Variants in CAPN12 observed in about 807,000 individuals in gnomAD.
The protein encoded by CAPN12 is calpain-12.
A neutral mutation model predicts 95.0 loss-of-function variants in CAPN12; 107 were observed. The observed-to-expected ratio is 1.13, with a 90% CI of 0.96 to 1.32. The LOEUF (loss-of-function observed/expected upper bound fraction) is 1.32. Among genes scored for constraint, CAPN12 ranks in the 40% most tolerant of loss-of-function variants. The pLI, the probability that CAPN12 is intolerant of heterozygous loss-of-function variation, is 0.00. For synonymous variants in CAPN12, 505 were observed against 415.5 expected (o/e 1.22, Z -2.62); for missense variants, 1,136 against 997.8 (o/e 1.14, Z -1.87).
chr19:38,736,762 C>T, intron 10 of CAPN12, 199 bp from the exon 11 acceptor site: 1 of 656,178 alleles, frequency 1.5e-6, no homozygotes, highest in Non-Finnish European at 2.6e-6. Flanking sequence ...ATCTGCGCTC[C>T]CAGCGCCTTC....
chr19:38,739,529 C>A (rs1599925447), intron 5 of CAPN12: 1 of 138,856 alleles, frequency 7.2e-6, no homozygotes, highest in Non-Finnish European at 1.6e-5. Flanking sequence ...AAGAGAGAAA[C>A]AGACACAAAA....
At position 38,741,734 on chromosome 19, in the gene CAPN12, G is replaced by A. The variant is rs762101297; in HGVS notation, c.560+43C>T. ...GTCCCCCTGTGGCTTGATGCCTGCT[G>A]TGGGGACTTAGGGCTGCAGCTGGTT... is the stretch of plus-strand genomic sequence containing the variant. On this transcript the variant is annotated intron_variant, in intron 4 of 20. Transcript: ENST00000328867. 30 of 1,608,426 alleles carry A rather than the reference G, an allele frequency of 1.9e-5. No homozygotes were observed. The East Asian group carries it at 6.3e-4, about 34-fold the overall frequency.
chr19:38,735,287 CCT>C, intron 14 of CAPN12, 81 bp downstream of exon 14: 1 of 1,357,006 alleles, frequency 7.4e-7, no homozygotes, highest in Non-Finnish European at 1.0e-6. Context: ...AAATGAGACA[CCT>C]GAGATGCTGG....
Position 38,736,290 on chromosome 19 carries a change from C to T in CAPN12, c.1403G>A (p.Ser468Asn). The change falls in exon 12 of 21, where the codon AGC becomes AAC. Residue 468 changes from serine (S) to asparagine (N), a missense_variant. Physicochemically the swap from Ser to Asn is conservative, Grantham distance 46 (BLOSUM62 1). Coordinates refer to ENST00000328867, the MANE Select transcript of CAPN12 (RefSeq NM_144691.4). ...CAGCAGCCGGGGCAGGAGCGCATGG[C>T]TGCGCGGGGAATCCCAGAGGCCCAG... is the stretch of plus-strand genomic sequence containing the variant. ...ELLGLWDSPR[S>N]HALLPRLLRA... 1 of 1,442,914 alleles carries T rather than the reference C, an allele frequency of 6.9e-7. No homozygotes were observed. Among genetic ancestry groups the T allele is most frequent in the Non-Finnish European group, 9.0e-7 (1 of 1,105,214 alleles). 89.4% of individuals were successfully genotyped at this position (1,442,914 alleles called of 1,614,324 possible).
chr19:38,736,496 AGCCCC>A, intron 11 of CAPN12, 51 bp downstream of exon 11: 10 of 1,571,794 alleles, frequency 6.4e-6, no homozygotes, highest in Non-Finnish European at 6.9e-6. Flanking sequence ...AGGTTGACCA[AGCCCC>A]AGGGCAGGTT....
In CAPN12 at chr19:38,743,068, TC is replaced by T; in HGVS notation, c.271del (p.Asp91ThrfsTer2). On this transcript the variant is annotated frameshift_variant, in exon 2 of 21. Transcript: ENST00000328867. LOFTEE classifies it high-confidence loss of function. ...CTGACACACGTCTGTGCGGCTCATG[TC>T]TTCACAGATGAACTTCGGCTCAGCA... ...FCAEPKFICE[D>X]MSRTDVCQGS... 1 of 1,613,968 alleles carries T rather than the reference TC, an allele frequency of 6.2e-7. No individual in the cohort carries two copies. Among genetic ancestry groups the T allele is most frequent in the Non-Finnish European group, 8.5e-7 (1 of 1,179,952 alleles).
rs529809082 is a variant in CAPN12 at position 38,732,343 on chromosome 19, CTTTTTT to C, written c.1958-1126_1958-1121del. ...CTTTGACTTGGGCTTTTTCTTTTTT[CTTTTTT>C]GAGACGGAGTCTCGCTCTGTTGCCC... On this transcript the variant is annotated intron_variant, in intron 18 of 20. Transcript: ENST00000328867. Among the ~76,000 whole-genome samples, 130 of 152,156 alleles carry C rather than the reference CTTTTTT, an allele frequency of 8.5e-4. 2 individuals are homozygous for C. The South Asian group carries it at 0.021, about 25-fold the overall frequency.
rs56163209 is a variant in CAPN12, at chr19:38,743,541, A to T, written c.237+388T>A. ...CAGCCCCTCCTCCCTCAGACCCAGG[A>T]GTCCAGGTCCAGCCCCTCCTCCCTC... On this transcript the variant is annotated intron_variant, in intron 1 of 20. Transcript: ENST00000328867. 1.0e-3 allele frequency among the ~76,000 whole-genome samples: 123 copies of T among 118,410 alleles called. 3 individuals are homozygous for T. The highest frequency in any genetic ancestry group is 3.7e-3 in the African/African-American group (116 of 31,276). The allele number at this position is 118,410 out of a possible 152,430, so 77.7% of individuals were successfully genotyped here.
rs149152357 is a variant in CAPN12, at chr19:38,730,963, A to G, written c.2133+2T>C. 2.6e-6 allele frequency: 4 copies of G among 1,550,612 alleles called. No individual in the cohort carries two copies. The East Asian group carries it at 9.8e-5, about 38-fold the overall frequency. ...CCACCCTGTCCCTCCCACCTGGCTCACCTGTCTGTGGGTCAGGCAGATGAC... is the reference window on the plus strand; with the variant it reads ...CCACCCTGTCCCTCCCACCTGGCTCGCCTGTCTGTGGGTCAGGCAGATGAC... On this transcript the variant is annotated splice_donor_variant, in intron 20 of 20. Coordinates refer to ENST00000328867, the MANE Select transcript of CAPN12 (RefSeq NM_144691.4). LOFTEE classifies it high-confidence loss of function.
At chr19:38,739,710 CTTT>C (rs58154433) in intron 5 of CAPN12, 70 of 151,534 alleles carry the variant, frequency 4.6e-4, no homozygotes, top group East Asian at 1.1e-3. Context: ...GAAAGAGGCA[CTTT>C]TTTTTTTTTT....
At chr19:38,737,839 G>T (rs539128393) in intron 8 of CAPN12, among the ~76,000 whole-genome samples, 1 of 152,086 alleles carries the variant, frequency 6.6e-6, no homozygotes, top group African/African-American at 2.4e-5. Context: ...CCCACAAATC[G>T]CCAAGATTCA....
chr19:38,730,669 T>G lies in CAPN12; in HGVS notation c.*183A>C. 1.5e-6 allele frequency: 1 copy of G among 680,122 alleles called. No homozygotes were observed. Among genetic ancestry groups the G allele is most frequent in the Non-Finnish European group, 2.5e-6 (1 of 395,664 alleles). 42.1% of individuals were successfully genotyped at this position (680,122 alleles called of 1,614,324 possible). A position where few individuals can be genotyped will look rare whatever the true frequency, so the allele number is the denominator to read the frequency against. On this transcript the variant is annotated 3_prime_UTR_variant, in exon 21 of 21. Transcript: ENST00000328867. ...TCTGCTCGAGAAGGGCTGTCGCTGT[T>G]CTTGTTTCTGAGTGAGGAGTACGCA... is the stretch of plus-strand genomic sequence containing the variant.
rs1292618770 is a variant in CAPN12 at position 38,736,579 on chromosome 19, G to A, written c.1363-16C>T. ...CCTCTGGAATCTGAAAGAAGCAAGA[G>A]CAAGGGGCGTCGGGGCAGGGGAGAG... On this transcript the variant is annotated splice_polypyrimidine_tract_variant and intron_variant, in intron 10 of 20. Coordinates refer to ENST00000328867, the MANE Select transcript of CAPN12 (RefSeq NM_144691.4). 3 of 1,604,582 alleles carry A rather than the reference G, an allele frequency of 1.9e-6. No homozygotes were observed. In the Admixed American group the frequency reaches 5.1e-5, roughly 27 times the overall value.
In CAPN12 at chr19:38,731,224, C is replaced by CT; in HGVS notation, c.1958-2dup. 1 of 1,612,066 alleles carries CT rather than the reference C, an allele frequency of 6.2e-7. No individual in the cohort carries two copies. The highest frequency in any genetic ancestry group is 1.1e-5 in the South Asian group (1 of 91,036). The stretch of plus-strand genomic sequence containing the variant: ...GTCAGCTGGTTGTTCAGGTGGAAGC[C>CT]TAGGGGGAGGCTGCTTCTGAGCCCA... On this transcript the variant is annotated splice_acceptor_variant, in intron 18 of 20. Transcript: ENST00000328867. LOFTEE classifies it high-confidence loss of function.
At chr19:38,731,287 AC>A in intron 18 of CAPN12, 64 bp from the exon 19 acceptor site, 1 of 1,251,736 alleles carries the variant, frequency 8.0e-7, no homozygotes, top group Non-Finnish European at 1.2e-6. Flanking sequence ...TTGCATCCCC[AC>A]CCCACCTCCT....
At chr19:38,744,498 T>C, upstream of CAPN12, 1 of 404,802 alleles carries the variant, frequency 2.5e-6, no homozygotes, top group Non-Finnish European at 4.6e-6. Flanking sequence ...TCTGCCTACT[T>C]ATGCCTGTGG....
At chr19:38,738,044 T>G (rs1322850291) in intron 8 of CAPN12, among the ~76,000 whole-genome samples, 2 of 152,060 alleles carry the variant, frequency 1.3e-5, no homozygotes, top group East Asian at 3.9e-4. Flanking sequence ...TAACTAGGCC[T>G]TCAAATTCCC....
chr19:38,736,117 TG>T lies in CAPN12; in HGVS notation c.1575del (p.His525GlnfsTer9). On this transcript the variant is annotated frameshift_variant, in exon 12 of 21. Transcript: ENST00000328867. LOFTEE classifies it high-confidence loss of function. ...TGGGTGCCCGGGGCTCACACGGCCG[TG>T]TGGCGGCGCTCGGAGAAGACACGCA... ...FTLRVFSERR[H>X]TAVEIDDVIS... The T allele has an allele frequency of 6.7e-7, 1 of 1,487,214 alleles. No individual in the cohort carries two copies. Among genetic ancestry groups the T allele is most frequent in the Non-Finnish European group, 8.9e-7 (1 of 1,121,406 alleles). 92.1% of individuals were successfully genotyped at this position (1,487,214 alleles called of 1,614,324 possible).
Position 38,736,144 on chromosome 19 carries a change from G to T in CAPN12, c.1549C>A (p.Leu517Met). 1 of 1,515,446 alleles carries T rather than the reference G, an allele frequency of 6.6e-7. No individual in the cohort carries two copies. Among genetic ancestry groups the T allele is most frequent in the Non-Finnish European group, 8.8e-7 (1 of 1,135,048 alleles). 93.9% of individuals were successfully genotyped at this position (1,515,446 alleles called of 1,614,324 possible). A position where few individuals can be genotyped will look rare whatever the true frequency, so the allele number is the denominator to read the frequency against. ...AHAGDEADFT[L>M]RVFSERRHTA... Reference sequence around the variant, plus strand: ...TGGCGGCGCTCGGAGAAGACACGCAGAGTGAAGTCAGCCTCGTCGCCGGCG... The same window carrying T: ...TGGCGGCGCTCGGAGAAGACACGCATAGTGAAGTCAGCCTCGTCGCCGGCG... The change falls in exon 12 of 21, where the codon CTG (leucine) becomes ATG (methionine). Residue 517 changes from leucine (L) to methionine (M), a missense_variant. By Grantham distance (15) the Leu-to-Met change is conservative (BLOSUM62 2). Coordinates refer to ENST00000328867, the MANE Select transcript of CAPN12 (RefSeq NM_144691.4).
Sources: gnomAD v4.1 joint callset for allele counts (sites outside exome capture counted in the v4.1 genomes callset) on GRCh38, gnomAD v4.1.1 for gene constraint, MANE v1.5 for transcripts, NCBI Gene and HGNC (gene_info 2026-07-23, HGNC 2026-07-21) for gene names.